BNC2: variants seen among roughly 807,000 people sequenced by gnomAD.
BNC2 encodes basonuclin zinc finger protein 2.
A neutral mutation model predicts 76.3 loss-of-function variants in BNC2; 20 were observed. The observed-to-expected ratio is 0.26, with a 90% CI of 0.18 to 0.38. The LOEUF (loss-of-function observed/expected upper bound fraction) is 0.38, where lower values mean the gene tolerates loss of function less well. BNC2 is among the 10% of genes least tolerant of loss of function. The pLI is 1.00. For synonymous variants in BNC2, 582 were observed against 514.8 expected, an observed-to-expected ratio of 1.13 and a Z score of -1.77; for missense variants, 1,382 against 1,399.8, an observed-to-expected ratio of 0.99 and a Z score of 0.20.
chr9:16,553,922 A>G (rs1192810253), intron 4 of BNC2, among the ~76,000 whole-genome samples: 1 of 152,192 alleles, frequency 6.6e-6, no homozygotes, highest in Non-Finnish European at 1.5e-5. Context: ...ACTCCTTAAG[A>G]GAACACAAAA....
chr9:16,530,514 A>C (rs2132219541), intron 5 of BNC2, among the ~76,000 whole-genome samples: 1 of 152,264 alleles, frequency 6.6e-6, no homozygotes, highest in South Asian at 2.1e-4. Flanking sequence ...TCTAGGAGAG[A>C]GGGCGATGAT....
At chr9:16,461,109 G>C (rs540472296) in intron 5 of BNC2, among the ~76,000 whole-genome samples, 1 of 152,138 alleles carries the variant, frequency 6.6e-6, no homozygotes, top group East Asian at 1.9e-4. Flanking sequence ...AGGCTCTCTT[G>C]GTTATAGGTA....
chr9:16,500,654 T>A (rs902256746), intron 5 of BNC2, among the ~76,000 whole-genome samples: 2 of 152,182 alleles, frequency 1.3e-5, no homozygotes, highest in African/African-American at 4.8e-5. Context: ...CCAAAGAATT[T>A]AGTTTTTCAG....
chr9:16,713,854 C>T (rs912379048), intron 3 of BNC2, among the ~76,000 whole-genome samples: 2 of 152,130 alleles, frequency 1.3e-5, no homozygotes, highest in South Asian at 2.1e-4. Flanking sequence ...GTGGGCAGAT[C>T]GCTTGAGCTC....
At chr9:16,584,991 C>A (rs1444197779) in intron 3 of BNC2, among the ~76,000 whole-genome samples, 2 of 151,862 alleles carry the variant, frequency 1.3e-5, no homozygotes, top group Non-Finnish European at 2.9e-5. Flanking sequence ...TCTGCTTTAC[C>A]GAAATCAAGG....
chr9:16,569,972 T>C (rs554994373), intron 4 of BNC2, among the ~76,000 whole-genome samples: 8 of 152,192 alleles, frequency 5.3e-5, no homozygotes, highest in Admixed American at 1.3e-4. Flanking sequence ...ACATATCTCA[T>C]TTTAAAAGTA....
At chr9:16,614,401 C>G (rs1318731044) in intron 3 of BNC2, among the ~76,000 whole-genome samples, 1 of 151,456 alleles carries the variant, frequency 6.6e-6, no homozygotes, top group Non-Finnish European at 1.5e-5. Context: ...GAAACAGATT[C>G]AGTTTACTGT....
chr9:16,465,227 G>A (rs1039581443), intron 5 of BNC2, among the ~76,000 whole-genome samples: 1 of 152,120 alleles, frequency 6.6e-6, no homozygotes, highest in African/African-American at 2.4e-5. Context: ...TCTGAGGTCG[G>A]CAGTTCAAGA....
intron 3 of BNC2, among the ~76,000 whole-genome samples, chr9:16,673,430 T>A (rs796796758): frequency 8.2e-5 from 12 of 146,334 alleles, no homozygotes; most frequent in African/African-American, 1.8e-4. Flanking sequence ...TTCTGAGATT[T>A]AAAAAAAAAA....
At chr9:16,524,230 T>C (rs1014341187) in intron 5 of BNC2, among the ~76,000 whole-genome samples, 1 of 152,214 alleles carries the variant, frequency 6.6e-6, no homozygotes, top group Admixed American at 6.5e-5. Context: ...GCTACCAGTG[T>C]TAATGACTGA....
At chr9:16,687,497 T>C (rs1026594112) in intron 3 of BNC2, among the ~76,000 whole-genome samples, 4 of 152,116 alleles carry the variant, frequency 2.6e-5, no homozygotes, top group South Asian at 2.1e-4. Flanking sequence ...AGCTGACATA[T>C]GGAAGGCCAC....
chr9:16,805,745 A>T (rs1305078629), intron 1 of BNC2, among the ~76,000 whole-genome samples: 1 of 152,104 alleles, frequency 6.6e-6, no homozygotes, highest in African/African-American at 2.4e-5. Context: ...ACGCAAACAC[A>T]GTGTCCCTTC....
At position 16,697,203 on chromosome 9, in the gene BNC2, CA is replaced by C. The variant is rs575306004; in HGVS notation, c.330+30593del. On this transcript the variant is annotated intron_variant, in intron 3 of 6. Coordinates refer to ENST00000380672, the MANE Select transcript of BNC2 (RefSeq NM_017637.6). ...GTGAAACCCTGTCTCTACTACACTA[CA>C]AAAATTAGCTGGGCGTGGTGGCACG... Among the ~76,000 whole-genome samples the C allele has an allele frequency of 3.6e-4, 55 of 151,794 alleles. 1 individual carries two copies. Among genetic ancestry groups the C allele is most frequent in the African/African-American group, 1.2e-3 (48 of 41,398 alleles).
chr9:16,448,753 AAC>A (rs1370509330), intron 5 of BNC2, among the ~76,000 whole-genome samples: 1 of 152,190 alleles, frequency 6.6e-6, no homozygotes, highest in Non-Finnish European at 1.5e-5. Flanking sequence ...ATAGCCGTAG[AAC>A]ACAAAGATTA....
chr9:16,530,156 TTTTTG>T (rs1427919463), intron 5 of BNC2, among the ~76,000 whole-genome samples: 1 of 151,992 alleles, frequency 6.6e-6, no homozygotes, highest in Non-Finnish European at 1.5e-5. Context: ...AGTGAAGTGT[TTTTTG>T]TTTTTTGTTT....
chr9:16,579,882 TA>T (rs1246099104), intron 4 of BNC2: 2 of 383,582 alleles, frequency 5.2e-6, no homozygotes, highest in Non-Finnish European at 9.2e-6. Flanking sequence ...GGCATTTGGT[TA>T]TTTTTTAGCA....
chr9:16,725,599 TAC>T (rs768996527), intron 3 of BNC2, among the ~76,000 whole-genome samples: 20 of 152,166 alleles, frequency 1.3e-4, no homozygotes, highest in African/African-American at 4.8e-4. Flanking sequence ...CATAATATTA[TAC>T]AGTTTTAATA....
intron 1 of BNC2, among the ~76,000 whole-genome samples, chr9:16,787,751 T>C (rs946227265): frequency 1.3e-5 from 2 of 152,168 alleles, no homozygotes; most frequent in African/African-American, 4.8e-5. Flanking sequence ...GGGTCTCACT[T>C]TGTTGCCCGG....
chr9:16,586,968 A>G (rs1416714383), intron 3 of BNC2, among the ~76,000 whole-genome samples: 2 of 152,236 alleles, frequency 1.3e-5, no homozygotes, highest in East Asian at 3.9e-4. Flanking sequence ...CTGTTATAAT[A>G]ATAGCTAGAT....
Sources: allele counts gnomAD v4.1 joint callset (sites outside exome capture counted in the v4.1 genomes callset), GRCh38; gene constraint gnomAD v4.1.1; transcripts MANE v1.5; gene names NCBI Gene and HGNC (gene_info 2026-07-23, HGNC 2026-07-21).